SGCD: variants seen among roughly 807,000 people sequenced by gnomAD.
SGCD encodes the protein sarcoglycan delta, also known as delta-sarcoglycan.
SGCD carries 18 observed loss-of-function variants against 36.6 expected under a neutral mutation model. That is an observed-to-expected ratio of 0.49 (90% CI 0.34 to 0.73). The LOEUF is 0.73. SGCD is among the 30% of genes least tolerant of loss of function. The pLI, the probability that SGCD is intolerant of heterozygous loss-of-function variation, is 0.01. For synonymous variants in SGCD, 133 were observed against 130.6 expected (o/e 1.02, Z -0.12); for missense variants, 387 against 346.7 (o/e 1.12, Z -0.92).
intron 3 of SGCD, among the ~76,000 whole-genome samples, chr5:156,490,699 C>A (rs1013817591): frequency 6.6e-6 from 1 of 151,854 alleles, no homozygotes; most frequent in African/African-American, 2.4e-5. Context: ...ATAGAAGGGA[C>A]GTACCTTGAC....
chr5:155,875,029 A>G (rs770721206), intron 1 of SGCD, among the ~76,000 whole-genome samples: 4 of 152,138 alleles, frequency 2.6e-5, no homozygotes, highest in Non-Finnish European at 5.9e-5. Context: ...CAACAGATGA[A>G]TGGATAAACA....
chr5:156,446,805 C>T (rs1753772307), intron 3 of SGCD, among the ~76,000 whole-genome samples: 1 of 152,132 alleles, frequency 6.6e-6, no homozygotes, highest in South Asian at 2.1e-4. Flanking sequence ...ATCCCAGACT[C>T]CTCACACTAG....
At chr5:156,491,564 A>G (rs1224973057) in intron 3 of SGCD, among the ~76,000 whole-genome samples, 1 of 152,192 alleles carries the variant, frequency 6.6e-6, no homozygotes, top group African/African-American at 2.4e-5. Flanking sequence ...TTTTCAAAAT[A>G]TTATGTGCAC....
chr5:156,404,177 G>A (rs62380757), intron 3 of SGCD, among the ~76,000 whole-genome samples: 14,431 of 152,120 alleles, frequency 0.095, 922 homozygotes, highest in South Asian at 0.22. Context: ...AATTGAGCAC[G>A]AATATTCTTA....
At chr5:156,178,844 G>A (rs961658798) in intron 3 of SGCD, among the ~76,000 whole-genome samples, 6 of 152,188 alleles carry the variant, frequency 3.9e-5, no homozygotes, top group African/African-American at 1.2e-4. Context: ...GGGATTACAG[G>A]TGTGAGCCAC....
At chr5:155,791,259 T>C in the SGCD span, among the ~76,000 whole-genome samples, 1 of 152,066 alleles carries the variant, frequency 6.6e-6, no homozygotes, top group Non-Finnish European at 1.5e-5. Flanking sequence ...GGTGGTCTCA[T>C]GGAACAGAGT....
chr5:155,942,348 A>ATCTATCTATCTATCTC (rs1757345344), intron 1 of SGCD, among the ~76,000 whole-genome samples: 1 of 151,666 alleles, frequency 6.6e-6, no homozygotes, highest in Admixed American at 6.6e-5. Context: ...CTATCTATCT[A>ATCTATCTATCTATCTC]TCTATCTATC....
intron 3 of SGCD, among the ~76,000 whole-genome samples, chr5:156,258,228 G>A (rs1561587854): frequency 6.6e-6 from 1 of 152,084 alleles, no homozygotes; most frequent in Non-Finnish European, 1.5e-5. Context: ...TAGTACTCAT[G>A]CTCTTTCCTG....
At chr5:156,305,031 A>C (rs978423757) in intron 3 of SGCD, among the ~76,000 whole-genome samples, 7 of 152,204 alleles carry the variant, frequency 4.6e-5, no homozygotes, top group African/African-American at 4.8e-5. Context: ...TTATAAAAGA[A>C]GTAGATCATA....
intron 1 of SGCD, among the ~76,000 whole-genome samples, chr5:156,024,059 G>A (rs1759169188): frequency 6.6e-6 from 1 of 152,144 alleles, no homozygotes; most frequent in Admixed American, 6.5e-5. Context: ...TCATGATTTA[G>A]TCAGCTCTGG....
intron 3 of SGCD, among the ~76,000 whole-genome samples, chr5:156,181,315 G>A (rs1763599610): frequency 6.6e-6 from 1 of 152,132 alleles, no homozygotes; most frequent in African/African-American, 2.4e-5. Flanking sequence ...GAGTGATTAA[G>A]GAAGACCTAA....
chr5:155,974,726 C>G (rs1414004854), intron 1 of SGCD, among the ~76,000 whole-genome samples: 3 of 152,156 alleles, frequency 2.0e-5, no homozygotes, highest in African/African-American at 7.2e-5. Context: ...GCACCATTCC[C>G]TTAAACAGCA....
the SGCD span, among the ~76,000 whole-genome samples, chr5:155,827,114 A>T: frequency 6.6e-6 from 1 of 152,204 alleles, no homozygotes; most frequent in Non-Finnish European, 1.5e-5. Context: ...GGACTGAGGG[A>T]TCTTCTGGGG....
intron 3 of SGCD, among the ~76,000 whole-genome samples, chr5:156,260,570 T>G (rs1581202175): frequency 6.6e-6 from 1 of 152,270 alleles, no homozygotes; most frequent in Admixed American, 6.5e-5. Context: ...ATTGCTAAAT[T>G]TACTTATTAG....
chr5:155,867,960 A>C (rs1755553494), upstream of SGCD, among the ~76,000 whole-genome samples: 1 of 152,184 alleles, frequency 6.6e-6, no homozygotes, highest in Non-Finnish European at 1.5e-5. Context: ...CCTCCATCTT[A>C]ATGCAGCCTT....
chr5:156,510,081 G>T (rs1298394814), intron 4 of SGCD, among the ~76,000 whole-genome samples: 1 of 152,114 alleles, frequency 6.6e-6, no homozygotes, highest in Non-Finnish European at 1.5e-5. Context: ...GTATTAAACT[G>T]GTACCACTAC....
At chr5:156,302,997 C>A (rs1466164811) in intron 3 of SGCD, among the ~76,000 whole-genome samples, 3 of 152,320 alleles carry the variant, frequency 2.0e-5, no homozygotes, top group Non-Finnish European at 4.4e-5. Context: ...ACTCAAGGAC[C>A]AAGCATTCTT....
intron 1 of SGCD, among the ~76,000 whole-genome samples, chr5:156,091,066 G>T (rs1761230084): frequency 6.6e-6 from 1 of 152,144 alleles, no homozygotes; most frequent in Non-Finnish European, 1.5e-5. Flanking sequence ...TCATCACAGG[G>T]TCCTGAGGTG....
chr5:156,541,991 T>TA (rs1758366168), intron 4 of SGCD, among the ~76,000 whole-genome samples: 1 of 152,190 alleles, frequency 6.6e-6, no homozygotes, highest in Non-Finnish European at 1.5e-5. Flanking sequence ...AGGCATCTGT[T>TA]GAATGTTCAT....
Sources: gnomAD v4.1 joint callset for allele counts (sites outside exome capture counted in the v4.1 genomes callset) on GRCh38, gnomAD v4.1.1 for gene constraint, MANE v1.5 for transcripts, NCBI Gene and HGNC (gene_info 2026-07-23, HGNC 2026-07-21) for gene names.